ESRRG: variants seen among roughly 807,000 people sequenced by gnomAD.
ESRRG encodes estrogen related receptor gamma, also known as estrogen-related receptor gamma.
Under a neutral mutation model 44.0 loss-of-function variants are expected in ESRRG, and 13 were observed. The ratio of observed to expected loss-of-function variants is 0.30; its 90% CI spans 0.19 to 0.47. The LOEUF (loss-of-function observed/expected upper bound fraction) is 0.47, where lower values mean the gene tolerates loss of function less well. Among genes scored for constraint, ESRRG ranks in the 20% least tolerant of loss-of-function variants. The pLI, the probability that ESRRG is intolerant of heterozygous loss-of-function variation, is 1.00. For missense variants in ESRRG, 395 were observed against 580.6 expected (o/e 0.68, Z 3.29); for synonymous variants, 215 against 214.6 (o/e 1.00, Z -0.02).
Position 216,718,270 on chromosome 1 carries a change from T to C in ESRRG, c.56+4974A>G, listed in dbSNP as rs188021455. On this transcript the variant is annotated intron_variant, in intron 1 of 6. Coordinates refer to ENST00000408911, the MANE Select transcript of ESRRG (RefSeq NM_001438.4). ...ATTATATAAATGTACATGAATACTTTTAGCAGCATACCTATAATCTACGTA... is the reference window on the plus strand; with the variant it reads ...ATTATATAAATGTACATGAATACTTCTAGCAGCATACCTATAATCTACGTA... 1.5e-3 allele frequency among the ~76,000 whole-genome samples: 224 copies of C among 152,020 alleles called. 2 individuals are homozygous for C. The highest frequency in any genetic ancestry group is 0.013 in the Admixed American group (194 of 15,252).
chr1:216,686,342 G>T (rs1487889027), intron 1 of ESRRG, among the ~76,000 whole-genome samples: 1 of 149,424 alleles, frequency 6.7e-6, no homozygotes, highest in Non-Finnish European at 1.5e-5. Flanking sequence ...GCCACTATTT[G>T]CAGGCAAGGG....
chr1:216,516,415 G>A (rs750283438), intron 6 of ESRRG, among the ~76,000 whole-genome samples: 45 of 152,080 alleles, frequency 3.0e-4, no homozygotes, highest in Non-Finnish European at 5.4e-4. Flanking sequence ...TCATTAGGAA[G>A]CCAGTTGCCT....
At chr1:216,717,257 T>C (rs988683114) in intron 1 of ESRRG, among the ~76,000 whole-genome samples, 3 of 151,860 alleles carry the variant, frequency 2.0e-5, no homozygotes, top group African/African-American at 7.2e-5. Flanking sequence ...CTGAGAAATA[T>C]TGTCCAAATC....
chr1:216,649,543 C>T (rs2068443037), intron 3 of ESRRG, among the ~76,000 whole-genome samples: 1 of 151,860 alleles, frequency 6.6e-6, no homozygotes, highest in Non-Finnish European at 1.5e-5. Flanking sequence ...CATACACACA[C>T]ATACATATAT....
intron 1 of ESRRG, among the ~76,000 whole-genome samples, chr1:216,999,436 G>A (rs535071797): frequency 5.3e-5 from 8 of 152,026 alleles, no homozygotes; most frequent in Non-Finnish European, 7.4e-5. Context: ...TATTTTCAAG[G>A]TATTTTTTCT....
chr1:216,710,901 G>C (rs954500929), intron 1 of ESRRG, among the ~76,000 whole-genome samples: 3 of 152,182 alleles, frequency 2.0e-5, no homozygotes, highest in African/African-American at 7.2e-5. Flanking sequence ...ACTACTAAGG[G>C]AAAACTCCAA....
At chr1:216,874,051 A>G in intron 2 of ESRRG, among the ~76,000 whole-genome samples, 1 of 149,204 alleles carries the variant, frequency 6.7e-6, no homozygotes, top group African/African-American at 2.5e-5. Context: ...GGTGGAAGGA[A>G]GGAAGGGAGG....
chr1:216,899,186 G>T (rs1161312100), intron 2 of ESRRG, among the ~76,000 whole-genome samples: 1 of 152,160 alleles, frequency 6.6e-6, no homozygotes, highest in South Asian at 2.1e-4. Flanking sequence ...AAGTTTCAGG[G>T]CTAAGTACTA....
intron 1 of ESRRG, among the ~76,000 whole-genome samples, chr1:216,688,836 C>T (rs1285384026): frequency 6.6e-6 from 1 of 151,968 alleles, no homozygotes; most frequent in Non-Finnish European, 1.5e-5. Context: ...CAGAGAAAAG[C>T]TGAAATTGTA....
At chr1:217,108,366 T>C (rs969139995) in intron 1 of ESRRG, among the ~76,000 whole-genome samples, 1 of 152,214 alleles carries the variant, frequency 6.6e-6, no homozygotes, top group Non-Finnish European at 1.5e-5. Context: ...ACAATTCTGC[T>C]TTGCTGCATA....
intron 3 of ESRRG, among the ~76,000 whole-genome samples, chr1:216,593,882 C>T (rs1282421783): frequency 6.6e-6 from 1 of 152,106 alleles, no homozygotes; most frequent in African/African-American, 2.4e-5. Context: ...AAGTGCACAG[C>T]AACATGCCCA....
At chr1:216,652,939 G>A (rs1441797573) in intron 2 of ESRRG, among the ~76,000 whole-genome samples, 1 of 151,724 alleles carries the variant, frequency 6.6e-6, no homozygotes, top group Non-Finnish European at 1.5e-5. Context: ...TCTTAGGAAG[G>A]ACTGAACAGT....
At chr1:216,546,097 T>A (rs2054416343) in intron 5 of ESRRG, among the ~76,000 whole-genome samples, 1 of 152,064 alleles carries the variant, frequency 6.6e-6, no homozygotes, top group Non-Finnish European at 1.5e-5. Flanking sequence ...AATTCTTTGA[T>A]GAGAGCAGGA....
chr1:216,693,589 A>T (rs1046185859), intron 1 of ESRRG, among the ~76,000 whole-genome samples: 2 of 152,230 alleles, frequency 1.3e-5, no homozygotes, highest in African/African-American at 4.8e-5. Context: ...TATACTTTAA[A>T]TCATCTCTGG....
chr1:216,833,918 A>C (rs1255388734), intron 2 of ESRRG, among the ~76,000 whole-genome samples: 1 of 152,180 alleles, frequency 6.6e-6, no homozygotes, highest in Non-Finnish European at 1.5e-5. Flanking sequence ...TTCCCTATGC[A>C]ATGGCATTTA....
At chr1:216,534,771 G>C (rs569148748) in intron 5 of ESRRG, among the ~76,000 whole-genome samples, 6 of 152,180 alleles carry the variant, frequency 3.9e-5, no homozygotes, top group African/African-American at 1.4e-4. Flanking sequence ...CAACCGTAGG[G>C]GTACACTCCA....
Position 217,004,500 on chromosome 1 carries a change from G to A in ESRRG, c.-105-64827C>T, listed in dbSNP as rs12043776. On this transcript the variant is annotated intron_variant, in intron 1 of 7. Coordinates refer to the ESRRG transcript ENST00000359162. ...TGCCATGATTGAGGCCTCCCCAGCC[G>A]TGTAGTACTGTCAGTCCATTAAATC... 8.7e-3 allele frequency among the ~76,000 whole-genome samples: 1,322 copies of A among 152,150 alleles called. 19 individuals are homozygous for A. Among genetic ancestry groups the A allele is most frequent in the African/African-American group, 0.03 (1,232 of 41,516 alleles).
chr1:216,680,301 G>A (rs1175550312), intron 1 of ESRRG, among the ~76,000 whole-genome samples: 5 of 152,144 alleles, frequency 3.3e-5, no homozygotes, highest in Admixed American at 1.3e-4. Flanking sequence ...TTAGGAAACC[G>A]AGCCTCAGAC....
At chr1:216,670,545 C>T (rs2074959288) in intron 2 of ESRRG, among the ~76,000 whole-genome samples, 1 of 152,172 alleles carries the variant, frequency 6.6e-6, no homozygotes, top group African/African-American at 2.4e-5. Flanking sequence ...CAGCTGGAGC[C>T]GTCCCCTGCG....
Sources: gnomAD v4.1 joint callset for allele counts (sites outside exome capture counted in the v4.1 genomes callset) on GRCh38, gnomAD v4.1.1 for gene constraint, MANE v1.5 for transcripts, NCBI Gene and HGNC (gene_info 2026-07-23, HGNC 2026-07-21) for gene names.